Variants in KCND3 observed in about 807,000 individuals in gnomAD.
The protein encoded by KCND3 is A-type voltage-gated potassium channel KCND3.
Under a neutral mutation model 51.1 loss-of-function variants are expected in KCND3, and 9 were observed. That is an observed-to-expected ratio of 0.18 (90% confidence interval 0.11 to 0.31). KCND3 has a LOEUF of 0.31. Among genes scored for constraint, KCND3 ranks in the 10% least tolerant of loss-of-function variants. The probability of loss-of-function intolerance (pLI) is 1.00; values close to 1 mark genes in which losing one functional copy is unlikely to be tolerated. For missense variants in KCND3, 526 were observed against 903.8 expected (o/e 0.58, Z 5.36); for synonymous variants, 349 against 368.0 (o/e 0.95, Z 0.59).
intron 2 of KCND3, among the ~76,000 whole-genome samples, chr1:111,799,653 CAAA>C (rs1665205616): frequency 1.3e-5 from 2 of 152,160 alleles, no homozygotes; most frequent in Non-Finnish European, 2.9e-5. Context: ...GCCCTGTCAC[CAAA>C]AGAGGTGATC....
chr1:111,799,770 A>C (rs1340655919), intron 2 of KCND3, among the ~76,000 whole-genome samples: 1 of 152,216 alleles, frequency 6.6e-6, no homozygotes, highest in African/African-American at 2.4e-5. Flanking sequence ...GGATGAATAC[A>C]GAGAGTGTGA....
At chr1:111,948,410 G>A (rs978206709) in intron 2 of KCND3, among the ~76,000 whole-genome samples, 7 of 152,212 alleles carry the variant, frequency 4.6e-5, no homozygotes, top group Non-Finnish European at 8.8e-5. Context: ...GTAGGGAGGC[G>A]GCAGCCCTGG....
At position 111,974,353 on chromosome 1, in the gene KCND3, T is replaced by C. The variant is rs374217046; in HGVS notation, c.1106+7268A>G. On this transcript the variant is annotated intron_variant, in intron 2 of 7. Coordinates refer to ENST00000302127, the MANE Select transcript of KCND3 (RefSeq NM_001378969.1). ...TCTTCCAAATAAATTTCTGGGGGTC[T>C]GGTCCCTGTTTCCCAGATTAAAAAA... Among the ~76,000 whole-genome samples the C allele has an allele frequency of 2.0e-5, 3 of 148,256 alleles. No homozygotes were observed. In the East Asian group the frequency reaches 5.9e-4, roughly 29 times the overall value.
At chr1:111,778,172 G>C (rs1664213574) in intron 6 of KCND3, among the ~76,000 whole-genome samples, 1 of 152,202 alleles carries the variant, frequency 6.6e-6, no homozygotes, top group Non-Finnish European at 1.5e-5. Context: ...GAGACTAACA[G>C]GATACCAGCA....
At chr1:111,908,530 T>A (rs1670759991) in intron 2 of KCND3, among the ~76,000 whole-genome samples, 1 of 152,150 alleles carries the variant, frequency 6.6e-6, no homozygotes, top group South Asian at 2.1e-4. Flanking sequence ...CACTAAGGGT[T>A]GTAGCAGGAC....
intron 2 of KCND3, among the ~76,000 whole-genome samples, chr1:111,973,236 C>T (rs1470568049): frequency 2.0e-5 from 3 of 152,182 alleles, no homozygotes; most frequent in Admixed American, 6.5e-5. Flanking sequence ...GGGAGAAATC[C>T]AGTTCAGAGT....
rs1256722083 is a variant in KCND3 at position 111,835,955 on chromosome 1, C to A, written c.1107-48849G>T. On this transcript the variant is annotated intron_variant, in intron 2 of 7. Transcript: ENST00000302127. ...CCCTCTCTTGGGGTCTGGATCAGAACCCCTTTCTGGTAACACATCTGTGAT... is the reference window on the plus strand; with the variant it reads ...CCCTCTCTTGGGGTCTGGATCAGAAACCCTTTCTGGTAACACATCTGTGAT... Among the ~76,000 whole-genome samples, 3 of 152,302 alleles carry A rather than the reference C, an allele frequency of 2.0e-5. 1 individual carries two copies. The highest frequency in any genetic ancestry group is 6.8e-3 in the Middle Eastern group (2 of 292).
intron 2 of KCND3, among the ~76,000 whole-genome samples, chr1:111,877,293 G>A (rs1206376488): frequency 6.6e-6 from 1 of 152,240 alleles, no homozygotes; most frequent in Non-Finnish European, 1.5e-5. Context: ...TTGGGATGAG[G>A]TTCCTCTATG....
At chr1:111,978,255 G>A (rs942183478) in intron 2 of KCND3, among the ~76,000 whole-genome samples, 1 of 152,196 alleles carries the variant, frequency 6.6e-6, no homozygotes, top group Non-Finnish European at 1.5e-5. Flanking sequence ...TTTACTCCAC[G>A]TATCAGCTCT....
chr1:111,826,462 T>C (rs1001285763), intron 2 of KCND3, among the ~76,000 whole-genome samples: 5 of 152,224 alleles, frequency 3.3e-5, no homozygotes, highest in African/African-American at 4.8e-5. Flanking sequence ...CTAGGACACG[T>C]GTCTGCTCTC....
At chr1:111,800,510 T>C (rs1179228366) in intron 2 of KCND3, among the ~76,000 whole-genome samples, 1 of 128,406 alleles carries the variant, frequency 7.8e-6, no homozygotes, top group African/African-American at 3.0e-5. Context: ...CAAATCCCCC[T>C]CTGTGAGAAA....
At chr1:111,980,662 GC>G (rs1360408298) in intron 2 of KCND3, among the ~76,000 whole-genome samples, 1 of 152,144 alleles carries the variant, frequency 6.6e-6, no homozygotes, top group African/African-American at 2.4e-5. Context: ...GTTTCTAATA[GC>G]TGAGGCAGAA....
rs1424302192 is a variant in KCND3, at chr1:111,928,673, G to A, written c.1106+52948C>T. ...GGCAGGGGCAGCCAGGAACGAAGAA[G>A]CTGCTGTGAAGGCAACTCCTGAGTT... On this transcript the variant is annotated intron_variant, in intron 2 of 7. Transcript: ENST00000302127. Among the ~76,000 whole-genome samples the A allele has an allele frequency of 3.9e-5, 6 of 152,354 alleles. No homozygotes were observed. The East Asian group carries it at 1.2e-3, about 29-fold the overall frequency.
chr1:111,931,758 G>A (rs1671982781), intron 2 of KCND3, among the ~76,000 whole-genome samples: 1 of 152,202 alleles, frequency 6.6e-6, no homozygotes, highest in Non-Finnish European at 1.5e-5. Context: ...AGGGTTTGAT[G>A]TTTTGGGCAG....
chr1:111,989,188 G>A (rs1005500641), intron 1 of KCND3: 1 of 152,352 alleles, frequency 6.6e-6, no homozygotes, highest in East Asian at 1.9e-4. Context: ...GACGGAGCAA[G>A]CCTTCGCCAC....
intron 2 of KCND3, among the ~76,000 whole-genome samples, chr1:111,946,432 A>C (rs1406518658): frequency 6.6e-6 from 1 of 152,176 alleles, no homozygotes; most frequent in Non-Finnish European, 1.5e-5. Flanking sequence ...TCCATGTGGC[A>C]GTTGTTGAGT....
chr1:111,898,036 A>T (rs147312953), intron 2 of KCND3, among the ~76,000 whole-genome samples: 1 of 152,112 alleles, frequency 6.6e-6, no homozygotes, highest in Non-Finnish European at 1.5e-5. Context: ...CACCCCACAA[A>T]ACTGGACTGC....
At chr1:111,886,650 T>C (rs541247808) in intron 2 of KCND3, among the ~76,000 whole-genome samples, 2 of 152,344 alleles carry the variant, frequency 1.3e-5, no homozygotes, top group East Asian at 3.9e-4. Context: ...TACTGAGCAC[T>C]TACAAAGCAT....
Position 111,863,719 on chromosome 1 carries a change from C to T in KCND3, c.1107-76613G>A, listed in dbSNP as rs188852695. On this transcript the variant is annotated intron_variant, in intron 2 of 7. Transcript: ENST00000302127. ...TGATCCTGCATACAATGGGGAGGCA[C>T]TTAAAGGGTTTTAAGCAGGATAGCA... Among the ~76,000 whole-genome samples the T allele has an allele frequency of 2.9e-4, 44 of 152,240 alleles. No individual in the cohort carries two copies. In the East Asian group the frequency reaches 7.9e-3, roughly 27 times the overall value.
Sources: gnomAD v4.1 joint callset for allele counts (sites outside exome capture counted in the v4.1 genomes callset) on GRCh38, gnomAD v4.1.1 for gene constraint, MANE v1.5 for transcripts, NCBI Gene and HGNC (gene_info 2026-07-23, HGNC 2026-07-21) for gene names.